Variants in ZNF609 observed in about 807,000 individuals in gnomAD.
The protein encoded by ZNF609 is zinc finger protein 609.
Under a neutral mutation model 109.5 loss-of-function variants are expected in ZNF609, and 11 were observed. The ratio of observed to expected loss-of-function variants is 0.10; its 90% CI spans 0.06 to 0.17. The LOEUF is 0.17. Ranked by LOEUF, ZNF609 falls within the 10% of genes least tolerant of loss-of-function variation. The pLI, the probability that ZNF609 is intolerant of heterozygous loss-of-function variation, is 1.00. For missense variants in ZNF609, 1,559 were observed against 1,772.4 expected (o/e 0.88, Z 2.16); for synonymous variants, 646 against 662.0 (o/e 0.98, Z 0.37).
chr15:64,543,665 A>T (rs1894309376), intron 2 of ZNF609, among the ~76,000 whole-genome samples: 1 of 151,812 alleles, frequency 6.6e-6, no homozygotes, highest in Non-Finnish European at 1.5e-5. Context: ...GCTGGTCTTG[A>T]ACTCCTGACC....
chr15:64,602,637 T>A (rs1314154757), intron 2 of ZNF609, among the ~76,000 whole-genome samples: 1 of 151,848 alleles, frequency 6.6e-6, no homozygotes, highest in Non-Finnish European at 1.5e-5. Context: ...TTCTCTCCAG[T>A]CTCTTCAGGC....
At chr15:64,628,187 G>A (rs1181385997) in intron 3 of ZNF609, among the ~76,000 whole-genome samples, 2 of 152,014 alleles carry the variant, frequency 1.3e-5, no homozygotes, top group East Asian at 3.9e-4. Flanking sequence ...TGTAGTCCCA[G>A]CTACTCAGGA....
At chr15:64,543,582 A>C (rs1894307270) in intron 2 of ZNF609, among the ~76,000 whole-genome samples, 1 of 151,466 alleles carries the variant, frequency 6.6e-6, no homozygotes, top group African/African-American at 2.4e-5. Context: ...AGCTGGGATT[A>C]CAGGCGCCCT....
chr15:64,473,486 C>G (rs934288362), intron 1 of ZNF609, among the ~76,000 whole-genome samples: 1 of 151,784 alleles, frequency 6.6e-6, no homozygotes, highest in East Asian at 1.9e-4. Flanking sequence ...CATGAGCCAC[C>G]GCGCCTGGCC....
At chr15:64,600,431 C>T (rs1347695805) in intron 2 of ZNF609, among the ~76,000 whole-genome samples, 2 of 115,862 alleles carry the variant, frequency 1.7e-5, no homozygotes, top group Non-Finnish European at 3.3e-5. Context: ...GCCTGGGCGA[C>T]AGTGCGAGGC....
At chr15:64,556,606 T>C (rs956918150) in intron 2 of ZNF609, among the ~76,000 whole-genome samples, 3 of 152,152 alleles carry the variant, frequency 2.0e-5, no homozygotes, top group Non-Finnish European at 4.4e-5. Flanking sequence ...TTAACAGAAA[T>C]TATTGCCCTT....
At chr15:64,679,606 T>C (rs894023601) in intron 6 of ZNF609, among the ~76,000 whole-genome samples, 21 of 152,220 alleles carry the variant, frequency 1.4e-4, no homozygotes, top group Non-Finnish European at 2.8e-4. Context: ...TTTCTTACCC[T>C]TGAGGTGTTC....
chr15:64,650,451 A>G (rs1896400171), intron 3 of ZNF609, among the ~76,000 whole-genome samples: 1 of 151,780 alleles, frequency 6.6e-6, no homozygotes, highest in South Asian at 2.1e-4. Context: ...AAAAATAGGT[A>G]AAGTAAATCA....
chr15:64,673,185 G>A (rs1326523528), intron 4 of ZNF609, among the ~76,000 whole-genome samples: 1 of 152,164 alleles, frequency 6.6e-6, no homozygotes, highest in Non-Finnish European at 1.5e-5. Context: ...GGAGATATTT[G>A]ACAAAATTTG....
intron 4 of ZNF609, among the ~76,000 whole-genome samples, chr15:64,672,856 C>T (rs192552338): frequency 2.0e-4 from 30 of 150,528 alleles, no homozygotes; most frequent in Admixed American, 1.9e-3. Flanking sequence ...CCCAGCTACT[C>T]GGGAGCCTGA....
intron 3 of ZNF609, among the ~76,000 whole-genome samples, chr15:64,632,105 T>C (rs1896091008): frequency 6.6e-6 from 1 of 152,108 alleles, no homozygotes; most frequent in South Asian, 2.1e-4. Context: ...CTGGCTCACA[T>C]ACAGTGGCAC....
intron 2 of ZNF609, among the ~76,000 whole-genome samples, chr15:64,580,979 T>G (rs2140426257): frequency 6.9e-6 from 1 of 144,798 alleles, no homozygotes; most frequent in Non-Finnish European, 1.5e-5. Flanking sequence ...TTTTTTTTTT[T>G]TTTTGAGACA....
chr15:64,663,712 G>T (rs1896610404), intron 3 of ZNF609, among the ~76,000 whole-genome samples: 1 of 152,144 alleles, frequency 6.6e-6, no homozygotes. Flanking sequence ...ATTGGTCTGA[G>T]CATGAAGGAG....
intron 1 of ZNF609, among the ~76,000 whole-genome samples, chr15:64,462,578 G>C (rs2140324832): frequency 6.6e-6 from 1 of 152,172 alleles, no homozygotes; most frequent in East Asian, 1.9e-4. Context: ...AGACCAGCCT[G>C]GGCAACAAAG....
chr15:64,675,694 A>G lies in ZNF609; in HGVS notation c.2840A>G (p.Lys947Arg), dbSNP rs1421259182. 3 of 1,555,630 alleles carry G rather than the reference A, an allele frequency of 1.9e-6. No homozygotes were observed. The highest frequency in any genetic ancestry group is 2.6e-6 in the Non-Finnish European group (3 of 1,132,402). Residue 947 changes from lysine (K) to arginine (R), a missense_variant, in exon 5 of 10, where the codon AAG (lysine) becomes AGG (arginine). Around this residue, in one of 4 missense-constraint regions of ZNF609, gnomAD observed 1,204 missense variants for 1,314.1 expected, o/e 0.92. Transcript: ENST00000326648. ...GTGAAGAACGATATCTGTGAAGAAA[A>G]GAAGCCCGAGCTGAGCAGTTCCAGT... The part of the protein sequence containing the change: ...GKVKNDICEE[K>R]KPELSSSSQQ...
At chr15:64,464,683 C>G (rs929659092) in intron 1 of ZNF609, among the ~76,000 whole-genome samples, 6 of 57,388 alleles carry the variant, frequency 1.0e-4, no homozygotes, top group Non-Finnish European at 4.0e-4. Context: ...TTGTCTGTGA[C>G]AGACAAAATG....
chr15:64,519,119 CG>C (rs1372403799), intron 2 of ZNF609, among the ~76,000 whole-genome samples: 1 of 5,670 alleles, frequency 1.8e-4, no homozygotes, highest in Admixed American at 1.9e-3. Context: ...GGGTGCAGGG[CG>C]GGGGGCGGGG....
At chr15:64,668,327 G>T (rs1441416975) in intron 3 of ZNF609, among the ~76,000 whole-genome samples, 1 of 152,074 alleles carries the variant, frequency 6.6e-6, no homozygotes, top group African/African-American at 2.4e-5. Context: ...AATACAACAA[G>T]ACTGTGAAAC....
chr15:64,493,718 G>A (rs560872340), intron 1 of ZNF609, among the ~76,000 whole-genome samples: 2 of 152,318 alleles, frequency 1.3e-5, no homozygotes, highest in Admixed American at 1.3e-4. Context: ...ACAGAAACTT[G>A]TGCAAGTTGT....
Sources: gnomAD v4.1 joint callset for allele counts (sites outside exome capture counted in the v4.1 genomes callset) on GRCh38, gnomAD v4.1.1 for gene constraint, gnomAD v4.1.1 regional missense constraint, MANE v1.5 for transcripts, NCBI Gene and HGNC (gene_info 2026-07-23, HGNC 2026-07-21) for gene names.